Variants in PPFIA2 observed in about 807,000 individuals in gnomAD.
The protein encoded by PPFIA2 is liprin-alpha-2.
PPFIA2 carries 46 observed loss-of-function variants against 175.5 expected under a neutral mutation model. The observed-to-expected ratio is 0.26, with a 90% CI of 0.21 to 0.34. The LOEUF is 0.34. PPFIA2 is among the 10% of genes least tolerant of loss of function. The probability of loss-of-function intolerance (pLI) is 1.00; values close to 1 mark genes in which losing one functional copy is unlikely to be tolerated. For missense variants in PPFIA2, 1,179 were observed against 1,506.1 expected, an observed-to-expected ratio of 0.78 and a Z score of 3.60; for synonymous variants, 568 against 511.4, an observed-to-expected ratio of 1.11 and a Z score of -1.49.
At chr12:81,266,803 T>C in intron 30 of PPFIA2, 149 bp downstream of exon 30, 5 of 654,812 alleles carry the variant, frequency 7.6e-6, no homozygotes, top group Non-Finnish European at 5.3e-6. Context: ...TAAGATTGAA[T>C]ATTTAACAAC....
At chr12:81,282,056 C>T (rs757049790) in intron 26 of PPFIA2, among the ~76,000 whole-genome samples, 6 of 151,936 alleles carry the variant, frequency 3.9e-5, no homozygotes, top group Non-Finnish European at 7.4e-5. Flanking sequence ...CTAAAAGAAG[C>T]AGGACAGGAT....
Position 81,695,525 on chromosome 12 carries a change from C to A in PPFIA2, c.250-18681G>T, listed in dbSNP as rs2075797163. Among the ~76,000 whole-genome samples the A allele has an allele frequency of 2.0e-5, 3 of 152,144 alleles. No individual in the cohort carries two copies. In the South Asian group the frequency reaches 6.2e-4, roughly 31 times the overall value. The stretch of plus-strand genomic sequence containing the variant: ...TCTTCAGAAGCCAAGCAAATGCCAG[C>A]ACCATGCTTCCTGTAAAACCTACAA... On this transcript the variant is annotated intron_variant, in intron 3 of 32. Transcript: ENST00000549396.
At position 81,647,716 on chromosome 12, in the gene PPFIA2, G is replaced by A. The variant is rs1006330105; in HGVS notation, c.303+29075C>T. ...GTGGAGCTTGCAGTGAGCCAAGATC[G>A]TGCCACTACACTCCAGCCTGGTCAA... On this transcript the variant is annotated intron_variant, in intron 4 of 32. Transcript: ENST00000549396. Among the ~76,000 whole-genome samples, 67 of 148,736 alleles carry A rather than the reference G, an allele frequency of 4.5e-4. 2 individuals carry two copies. The highest frequency in any genetic ancestry group is 1.0e-4 in the Non-Finnish European group (7 of 67,518).
Position 81,448,985 on chromosome 12 carries a change from C to G in PPFIA2, c.406-3265G>C, listed in dbSNP as rs2051874152. The stretch of plus-strand genomic sequence containing the variant: ...TTTATTAGAGTCATAGTACTATGGA[C>G]AATAAAATATCAAAGTTTCTTGAAT... On this transcript the variant is annotated intron_variant, in intron 5 of 32. Transcript: ENST00000549396. Among the ~76,000 whole-genome samples the G allele has an allele frequency of 2.6e-5, 4 of 152,146 alleles. No individual in the cohort carries two copies. In the South Asian group the frequency reaches 8.3e-4, roughly 32 times the overall value.
intron 3 of PPFIA2, among the ~76,000 whole-genome samples, chr12:81,680,078 A>G (rs1484702047): frequency 2.0e-5 from 3 of 151,992 alleles, no homozygotes; most frequent in Non-Finnish European, 2.9e-5. Flanking sequence ...GGGACATCAA[A>G]TAGTATAAAC....
chr12:81,595,412 T>G (rs1300707112), intron 4 of PPFIA2, among the ~76,000 whole-genome samples: 1 of 152,076 alleles, frequency 6.6e-6, no homozygotes, highest in African/African-American at 2.4e-5. Context: ...TTAAAGGGCA[T>G]TTTAGAAACT....
intron 23 of PPFIA2, among the ~76,000 whole-genome samples, chr12:81,295,238 A>T (rs956726430): frequency 1.3e-5 from 2 of 152,190 alleles, no homozygotes; most frequent in Non-Finnish European, 2.9e-5. Context: ...CAGGGATAGA[A>T]ACAAGATTTG....
chr12:81,492,934 T>C (rs1233713539), intron 4 of PPFIA2, among the ~76,000 whole-genome samples: 23 of 152,022 alleles, frequency 1.5e-4, no homozygotes, highest in African/African-American at 4.8e-5. Flanking sequence ...ATGGAAGTGA[T>C]TGAAGTAGAT....
At chr12:81,375,534 A>G (rs1460484367) in intron 10 of PPFIA2, among the ~76,000 whole-genome samples, 3 of 152,144 alleles carry the variant, frequency 2.0e-5, no homozygotes, top group Non-Finnish European at 4.4e-5. Flanking sequence ...AATACATGAA[A>G]ACTGTTTAGC....
chr12:81,540,794 T>G (rs530474103), intron 4 of PPFIA2, among the ~76,000 whole-genome samples: 1 of 152,096 alleles, frequency 6.6e-6, no homozygotes, highest in South Asian at 2.1e-4. Flanking sequence ...TAAATGAAAA[T>G]AACATAGAGA....
In PPFIA2 at chr12:81,537,269, C is replaced by T. The variant is rs540237569; in HGVS notation, c.304-79403G>A. 2.0e-5 allele frequency among the ~76,000 whole-genome samples: 3 copies of T among 151,870 alleles called. No individual in the cohort carries two copies. The South Asian group carries it at 6.2e-4, about 32-fold the overall frequency. On this transcript the variant is annotated intron_variant, in intron 4 of 32. Coordinates refer to ENST00000549396, the MANE Select transcript of PPFIA2 (RefSeq NM_003625.5). ...TAGTATATGAATTTCAGTATTTAGA[C>T]ATTTGACTTTTCCCATTATCTCACA...
chr12:81,730,967 C>T (rs1373056441), intron 3 of PPFIA2, among the ~76,000 whole-genome samples: 1 of 151,474 alleles, frequency 6.6e-6, no homozygotes, highest in Non-Finnish European at 1.5e-5. Flanking sequence ...TGAAGAATCC[C>T]TATTTAAAAA....
intron 3 of PPFIA2, among the ~76,000 whole-genome samples, chr12:81,689,090 G>C (rs577676539): frequency 1.3e-5 from 2 of 149,358 alleles, no homozygotes; most frequent in South Asian, 2.1e-4. Context: ...GGAGGAATTA[G>C]ATAGAGCTAG....
At chr12:81,357,365 G>C (rs1213150794) in intron 16 of PPFIA2, among the ~76,000 whole-genome samples, 1 of 152,102 alleles carries the variant, frequency 6.6e-6, no homozygotes, top group East Asian at 1.9e-4. Flanking sequence ...GTACAAATAT[G>C]GACAAATGGA....
At chr12:81,468,144 G>C (rs1405828293) in intron 4 of PPFIA2, among the ~76,000 whole-genome samples, 2 of 152,178 alleles carry the variant, frequency 1.3e-5, no homozygotes, top group Non-Finnish European at 2.9e-5. Flanking sequence ...TATGAAAGAA[G>C]AGAGAGGGAG....
chr12:81,624,962 C>A (rs551422913), intron 4 of PPFIA2, among the ~76,000 whole-genome samples: 1 of 151,560 alleles, frequency 6.6e-6, no homozygotes, highest in African/African-American at 2.4e-5. Flanking sequence ...CACTTGCACC[C>A]CAAAAACTAT....
chr12:81,523,274 G>A (rs568881671), intron 4 of PPFIA2, among the ~76,000 whole-genome samples: 5 of 151,960 alleles, frequency 3.3e-5, no homozygotes, highest in African/African-American at 1.2e-4. Flanking sequence ...CATTTTTCTA[G>A]TTAGTAAATA....
chr12:81,607,367 T>C (rs187062654), intron 4 of PPFIA2, among the ~76,000 whole-genome samples: 44 of 152,226 alleles, frequency 2.9e-4, no homozygotes, highest in Non-Finnish European at 5.6e-4. Flanking sequence ...ATAGAAGTAG[T>C]TGAATCTGTA....
intron 7 of PPFIA2, among the ~76,000 whole-genome samples, chr12:81,408,961 A>G (rs763553076): frequency 2.0e-5 from 3 of 152,218 alleles, no homozygotes; most frequent in Admixed American, 6.6e-5. Flanking sequence ...ACACTGGGGA[A>G]AGGGGGAAAG....
Sources: allele counts gnomAD v4.1 joint callset (sites outside exome capture counted in the v4.1 genomes callset), GRCh38; gene constraint gnomAD v4.1.1; transcripts MANE v1.5; gene names NCBI Gene and HGNC (gene_info 2026-07-23, HGNC 2026-07-21).